Variants in CPNE4 observed in about 807,000 individuals in gnomAD.
CPNE4 encodes the protein copine 4, also known as copine-4.
CPNE4 carries 25 observed loss-of-function variants against 67.9 expected under a neutral mutation model. The ratio of observed to expected loss-of-function variants is 0.37; its 90% confidence interval spans 0.27 to 0.51. CPNE4 has a LOEUF of 0.51. CPNE4 is among the 20% of genes least tolerant of loss of function. The pLI is 0.93. For synonymous variants in CPNE4, 242 were observed against 244.9 expected, an observed-to-expected ratio of 0.99 and a Z score of 0.11; for missense variants, 464 against 690.8, an observed-to-expected ratio of 0.67 and a Z score of 3.68.
intron 2 of CPNE4, among the ~76,000 whole-genome samples, chr3:131,727,403 C>G (rs1330895174): frequency 2.0e-5 from 3 of 151,870 alleles, no homozygotes; most frequent in East Asian, 3.9e-4. Flanking sequence ...GACCATCCTG[C>G]CTAACATGGT....
At chr3:131,552,653 A>G (rs753384573) in intron 12 of CPNE4, among the ~76,000 whole-genome samples, 162 bp from the exon 13 acceptor site, 9 of 152,118 alleles carry the variant, frequency 5.9e-5, no homozygotes, top group Non-Finnish European at 1.3e-4. Context: ...TCAATATGAG[A>G]TGGAGGGTGA....
At chr3:131,596,577 C>G (rs1428749358) in intron 7 of CPNE4, among the ~76,000 whole-genome samples, 2 of 104,868 alleles carry the variant, frequency 1.9e-5, no homozygotes, top group Non-Finnish European at 3.6e-5. Flanking sequence ...AGCCGAGATC[C>G]CGCCACTGCA....
intron 9 of CPNE4, 50 bp downstream of exon 9, chr3:131,581,529 C>T: frequency 8.1e-7 from 1 of 1,237,594 alleles, no homozygotes; most frequent in Non-Finnish European, 1.2e-6. Flanking sequence ...AACTCTTCCT[C>T]TCAGATAGCC....
chr3:131,880,905 T>G (rs1297493970), intron 2 of CPNE4, among the ~76,000 whole-genome samples: 1 of 152,216 alleles, frequency 6.6e-6, no homozygotes, highest in Non-Finnish European at 1.5e-5. Context: ...GTTAGGAAGA[T>G]GTTTTTGAAG....
At chr3:131,957,004 G>A (rs2071995542) in intron 1 of CPNE4, among the ~76,000 whole-genome samples, 1 of 152,146 alleles carries the variant, frequency 6.6e-6, no homozygotes, top group Admixed American at 6.5e-5. Context: ...TTTTCTACAT[G>A]TGTTATAGCC....
At chr3:131,771,347 A>C (rs1357946927) in intron 2 of CPNE4, among the ~76,000 whole-genome samples, 1 of 152,078 alleles carries the variant, frequency 6.6e-6, no homozygotes, top group African/African-American at 2.4e-5. Flanking sequence ...CCTCATGTTG[A>C]AACTCGATCC....
chr3:131,645,024 G>T (rs1439322191), intron 7 of CPNE4, among the ~76,000 whole-genome samples: 3 of 152,196 alleles, frequency 2.0e-5, no homozygotes. Context: ...CAACAGAGAT[G>T]CTGGAGGTTC....
chr3:131,819,913 G>A (rs2084900214), intron 2 of CPNE4, among the ~76,000 whole-genome samples: 1 of 152,132 alleles, frequency 6.6e-6, no homozygotes, highest in Non-Finnish European at 1.5e-5. Flanking sequence ...GAAGAAAGTT[G>A]TTCTTTCAGA....
At chr3:131,637,045 C>T (rs2079407455) in intron 7 of CPNE4, among the ~76,000 whole-genome samples, 1 of 152,116 alleles carries the variant, frequency 6.6e-6, no homozygotes, top group South Asian at 2.1e-4. Flanking sequence ...AACAGCAGCC[C>T]TTGAATCCCA....
At chr3:132,004,471 G>T (rs1460297445) in intron 1 of CPNE4, among the ~76,000 whole-genome samples, 1 of 151,990 alleles carries the variant, frequency 6.6e-6, no homozygotes, top group Non-Finnish European at 1.5e-5. Context: ...GAAAGACAGA[G>T]AAATTTGGGA....
intron 2 of CPNE4, among the ~76,000 whole-genome samples, chr3:131,763,499 A>T (rs939527603): frequency 6.6e-6 from 1 of 152,148 alleles, no homozygotes; most frequent in Non-Finnish European, 1.5e-5. Flanking sequence ...AACATAGCAC[A>T]TAAGTGGCTA....
chr3:131,583,121 T>TGAAA (rs377443803), intron 8 of CPNE4, among the ~76,000 whole-genome samples: 2 of 152,144 alleles, frequency 1.3e-5, no homozygotes, highest in Non-Finnish European at 1.5e-5. Context: ...AATTCTTGGG[T>TGAAA]GAAAGAAAGA....
chr3:131,573,218 A>G, intron 10 of CPNE4, among the ~76,000 whole-genome samples: 1 of 152,048 alleles, frequency 6.6e-6, no homozygotes. Flanking sequence ...TCTCCTCAGC[A>G]TTCATCTGTA....
chr3:131,885,532 TTAA>T (rs2087846590), intron 2 of CPNE4, among the ~76,000 whole-genome samples: 1 of 150,966 alleles, frequency 6.6e-6, no homozygotes, highest in African/African-American at 2.4e-5. Context: ...TAAATTTTTT[TTAA>T]TTTTTTTATT....
intron 3 of CPNE4, among the ~76,000 whole-genome samples, chr3:131,717,936 T>TTCTC (rs1472436923): frequency 6.7e-6 from 1 of 148,338 alleles, no homozygotes; most frequent in Non-Finnish European, 1.5e-5. Context: ...CTTTCTTTCT[T>TTCTC]TCTTTCTTTT....
At chr3:131,848,909 G>GT (rs530882560) in intron 2 of CPNE4, among the ~76,000 whole-genome samples, 263 of 112,860 alleles carry the variant, frequency 2.3e-3, no homozygotes, top group Admixed American at 3.7e-3. Flanking sequence ...TGAAGAAGGC[G>GT]TTTTTTTTTC....
chr3:131,967,746 C>A (rs2126147), intron 1 of CPNE4, among the ~76,000 whole-genome samples: 53,541 of 151,930 alleles, frequency 0.35, 10,360 homozygotes, highest in Non-Finnish European at 0.44. Context: ...GCTCATAGAC[C>A]GGAAAAATCA....
At chr3:131,749,996 T>C (rs2082585252) in intron 2 of CPNE4, among the ~76,000 whole-genome samples, 1 of 152,120 alleles carries the variant, frequency 6.6e-6, no homozygotes, top group Admixed American at 6.6e-5. Flanking sequence ...GTGGGAGGCA[T>C]CACATGCTGA....
chr3:131,762,000 G>C (rs2107815176), intron 2 of CPNE4, among the ~76,000 whole-genome samples: 1 of 152,130 alleles, frequency 6.6e-6, no homozygotes, highest in South Asian at 2.1e-4. Context: ...ACTCAAATGA[G>C]GTTTCCCTGC....
Sources: gnomAD v4.1 joint callset for allele counts (sites outside exome capture counted in the v4.1 genomes callset) on GRCh38, gnomAD v4.1.1 for gene constraint, MANE v1.5 for transcripts, NCBI Gene and HGNC (gene_info 2026-07-23, HGNC 2026-07-21) for gene names.